CENPK: variants seen among roughly 807,000 people sequenced by gnomAD.
CENPK encodes SoxLZ/Sox6-binding protein Solt.
In CENPK, 46 loss-of-function variants were observed where a neutral mutation model predicts 40.9. The ratio of observed to expected loss-of-function variants is 1.13; its 90% confidence interval spans 0.89 to 1.44. CENPK has a LOEUF of 1.44. CENPK is among the 40% of genes most tolerant of loss of function. CENPK has a pLI of 0.00. For synonymous variants in CENPK, 107 were observed against 104.4 expected (o/e 1.02, Z -0.15); for missense variants, 288 against 303.5 (o/e 0.95, Z 0.38).
chr5:65,514,940 TTTG>T (rs754312320), downstream of CENPK, among the ~76,000 whole-genome samples: 2 of 144,900 alleles, frequency 1.4e-5, no homozygotes, highest in Admixed American at 1.4e-4. Context: ...TTTAGTAATT[TTTG>T]TTTTTTCTTT....
intron 5 of CENPK, among the ~76,000 whole-genome samples, chr5:65,543,460 T>C (rs1199483489): frequency 6.6e-6 from 1 of 152,204 alleles, no homozygotes; most frequent in Non-Finnish European, 1.5e-5. Context: ...GTAACATACA[T>C]TTACATACAC....
At chr5:65,553,573 C>T (rs1159478929) in intron 3 of CENPK, among the ~76,000 whole-genome samples, 1 of 152,182 alleles carries the variant, frequency 6.6e-6, no homozygotes, top group Non-Finnish European at 1.5e-5. Flanking sequence ...AATGTTTTCA[C>T]TCATAATTAT....
intron 5 of CENPK, chr5:65,551,340 C>A: frequency 7.4e-6 from 3 of 407,022 alleles, no homozygotes; most frequent in Non-Finnish European, 1.3e-5. Flanking sequence ...GCTATAATAA[C>A]GTCTCCATAA....
chr5:65,519,927 T>TAACCTAATCTTAAAA (rs1245664585), intron 10 of CENPK, among the ~76,000 whole-genome samples: 1 of 152,206 alleles, frequency 6.6e-6, no homozygotes, highest in African/African-American at 2.4e-5. Flanking sequence ...ATTTTTAACC[T>TAACCTAATCTTAAAA]AACTGCAGTT....
chr5:65,544,176 T>A (rs1320938232), intron 5 of CENPK, among the ~76,000 whole-genome samples: 1 of 152,200 alleles, frequency 6.6e-6, no homozygotes, highest in Non-Finnish European at 1.5e-5. Flanking sequence ...GCTTCCAAGA[T>A]GGTGTCTTCT....
chr5:65,545,363 CACACACACA>C (rs1748730098), intron 5 of CENPK, among the ~76,000 whole-genome samples: 1 of 130,706 alleles, frequency 7.7e-6, no homozygotes, highest in Non-Finnish European at 1.7e-5. Context: ...CACACACACA[CACACACACA>C]CACACACACG....
chr5:65,503,733 C>T, the CENPK span, among the ~76,000 whole-genome samples: 3 of 151,626 alleles, frequency 2.0e-5, no homozygotes, highest in Non-Finnish European at 4.4e-5. Context: ...TCTCAGCTCA[C>T]TGTAACCTCT....
Position 65,561,812 on chromosome 5 carries a change from T to C in CENPK, c.-141-248A>G, listed in dbSNP as rs1275247458. ...ACTCGTACTATTAATTGGGAAAAGA[T>C]TAATATACATGAAATAAGCAAAAAA... is the stretch of plus-strand genomic sequence containing the variant. On this transcript the variant is annotated intron_variant, in intron 1 of 10. Transcript: ENST00000396679. Among the ~76,000 whole-genome samples the C allele has an allele frequency of 1.3e-5, 2 of 152,154 alleles. 1 individual carries two copies. Among genetic ancestry groups the C allele is most frequent in the South Asian group, 4.1e-4 (2 of 4,836 alleles).
At chr5:65,548,416 CT>C (rs1385761397) in intron 5 of CENPK, among the ~76,000 whole-genome samples, 2 of 152,048 alleles carry the variant, frequency 1.3e-5, no homozygotes, top group Non-Finnish European at 2.9e-5. Context: ...GTGTTAATGG[CT>C]GATGACTGAT....
At chr5:65,552,732 GA>G (rs1333816989) in intron 3 of CENPK, among the ~76,000 whole-genome samples, 183 bp from the exon 4 acceptor site, 1 of 149,068 alleles carries the variant, frequency 6.7e-6, no homozygotes, top group African/African-American at 2.5e-5. Context: ...GTCCCAAGGT[GA>G]ATACATCACA....
At chr5:65,536,801 A>C (rs1420917702) in intron 6 of CENPK, among the ~76,000 whole-genome samples, 1 of 152,116 alleles carries the variant, frequency 6.6e-6, no homozygotes, top group Non-Finnish European at 1.5e-5. Flanking sequence ...TATTATTCCA[A>C]CTGTCCTTTT....
intron 6 of CENPK, among the ~76,000 whole-genome samples, chr5:65,533,350 A>AAATAAATAAATAAATAAAT: frequency 1.4e-5 from 2 of 148,116 alleles, no homozygotes; most frequent in East Asian, 2.0e-4. Context: ...ACCCTGTATC[A>AAATAAATAAATAAATAAAT]AAATAAATAA....
chr5:65,532,304 T>A (rs866042231), intron 6 of CENPK, among the ~76,000 whole-genome samples: 1 of 152,326 alleles, frequency 6.6e-6, no homozygotes, highest in Middle Eastern at 3.4e-3. Context: ...TAGGCCCAGA[T>A]GGTTTCTTCT....
At chr5:65,500,569 T>C in the CENPK span, among the ~76,000 whole-genome samples, 1 of 152,178 alleles carries the variant, frequency 6.6e-6, no homozygotes, top group Non-Finnish European at 1.5e-5. Context: ...CTGGATATAG[T>C]GTCACAGGTC....
chr5:65,535,953 G>GTTAT lies in CENPK; in HGVS notation c.289-6755_289-6754insATAA, dbSNP rs576942604. The stretch of plus-strand genomic sequence containing the variant: ...GTCAGATGGTTACTGAGTCACCGAT[G>GTTAT]GTATAAAACAACAGCTGCACTGCGA... On this transcript the variant is annotated intron_variant, in intron 6 of 10. Transcript: ENST00000396679. Among the ~76,000 whole-genome samples the GTTAT allele has an allele frequency of 5.9e-5, 9 of 152,232 alleles. No individual in the cohort carries two copies. The South Asian group carries it at 1.2e-3, about 21-fold the overall frequency.
chr5:65,508,901 C>A, the CENPK span, among the ~76,000 whole-genome samples: 4 of 151,046 alleles, frequency 2.6e-5, no homozygotes, highest in Admixed American at 2.6e-4. Flanking sequence ...ATGAAAGAAA[C>A]CATTAATAAA....
At chr5:65,516,153 G>C (rs1319923855), downstream of CENPK, among the ~76,000 whole-genome samples, 6 of 152,176 alleles carry the variant, frequency 3.9e-5, no homozygotes, top group Non-Finnish European at 8.8e-5. Context: ...ATCTGGGGAA[G>C]AGGGGAACAT....
chr5:65,559,882 G>GAT (rs1439552462), intron 2 of CENPK, among the ~76,000 whole-genome samples: 1 of 151,584 alleles, frequency 6.6e-6, no homozygotes, highest in Non-Finnish European at 1.5e-5. Flanking sequence ...AATCCAAATA[G>GAT]ATATATATTT....
intron 6 of CENPK, among the ~76,000 whole-genome samples, chr5:65,533,884 T>C (rs889933506): frequency 6.6e-6 from 1 of 151,122 alleles, no homozygotes. Context: ...CTACTAAAAA[T>C]ACAAAACAAA....
Sources: allele counts gnomAD v4.1 joint callset (sites outside exome capture counted in the v4.1 genomes callset), GRCh38; gene constraint gnomAD v4.1.1; transcripts MANE v1.5; gene names NCBI Gene and HGNC (gene_info 2026-07-23, HGNC 2026-07-21).